CPNE4: variants seen among roughly 807,000 people sequenced by gnomAD.
CPNE4 encodes the protein copine 4.
Under a neutral mutation model 67.9 loss-of-function variants are expected in CPNE4, and 25 were observed. That is an observed-to-expected ratio of 0.37 (90% CI 0.27 to 0.51). The LOEUF is 0.51. Among genes scored for constraint, CPNE4 ranks in the 20% least tolerant of loss-of-function variants. The pLI is 0.93. For synonymous variants in CPNE4, 242 were observed against 244.9 expected (o/e 0.99, Z 0.11); for missense variants, 464 against 690.8 (o/e 0.67, Z 3.68).
intron 1 of CPNE4, among the ~76,000 whole-genome samples, chr3:131,966,520 T>G (rs2085859): frequency 0.35 from 53,551 of 151,666 alleles, 10,373 homozygotes; most frequent in Non-Finnish European, 0.44. Flanking sequence ...ATAGACACAA[T>G]AAAAAATGAT....
At chr3:131,735,135 G>A (rs1409338084) in intron 2 of CPNE4, among the ~76,000 whole-genome samples, 2 of 152,064 alleles carry the variant, frequency 1.3e-5, no homozygotes, top group Non-Finnish European at 2.9e-5. Flanking sequence ...TGTTAGTAAG[G>A]CCTTTCCCTC....
In CPNE4 at chr3:131,953,238, T is replaced by TAAAAA. The variant is rs369308316; in HGVS notation, c.-1-47795_-1-47794insTTTTT. 7.9e-4 allele frequency among the ~76,000 whole-genome samples: 60 copies of TAAAAA among 75,636 alleles called. 5 individuals carry two copies. The highest frequency in any genetic ancestry group is 9.9e-4 in the Non-Finnish European group (35 of 35,282). The allele number at this position is 75,636 out of a possible 152,430, so 49.6% of individuals were successfully genotyped here. ...GTGAGAAACACCCAAGAATGATCAA[T>TAAAAA]TAAAAAAAAAAAAAAAAAAAAAAAA... On this transcript the variant is annotated intron_variant, in intron 1 of 15. Transcript: ENST00000429747.
At chr3:131,821,458 G>A (rs1264715960) in intron 2 of CPNE4, among the ~76,000 whole-genome samples, 1 of 152,204 alleles carries the variant, frequency 6.6e-6, no homozygotes, top group Non-Finnish European at 1.5e-5. Flanking sequence ...TAGCTGCTGC[G>A]ATGTGTGACT....
At chr3:131,967,072 C>G (rs1019736925) in intron 1 of CPNE4, among the ~76,000 whole-genome samples, 6 of 152,300 alleles carry the variant, frequency 3.9e-5, no homozygotes, top group Non-Finnish European at 7.4e-5. Flanking sequence ...GTTCAACATA[C>G]ACAAATCAAT....
At chr3:131,830,696 T>G (rs1022245529) in intron 2 of CPNE4, among the ~76,000 whole-genome samples, 50 of 152,152 alleles carry the variant, frequency 3.3e-4, no homozygotes, top group African/African-American at 1.2e-3. Flanking sequence ...TTTTTACTAC[T>G]TATTATTATA....
chr3:131,731,369 T>A (rs1001457832), intron 2 of CPNE4, among the ~76,000 whole-genome samples: 5 of 152,162 alleles, frequency 3.3e-5, no homozygotes, highest in African/African-American at 4.8e-5. Context: ...AGGTCTCAAG[T>A]GCTAATATGT....
chr3:131,870,339 A>G (rs1468915847), intron 2 of CPNE4, among the ~76,000 whole-genome samples: 2 of 152,206 alleles, frequency 1.3e-5, no homozygotes, highest in East Asian at 3.8e-4. Context: ...TATGGTTCCT[A>G]CCCTCAAGGA....
At chr3:131,779,923 T>C (rs112865789) in intron 2 of CPNE4, among the ~76,000 whole-genome samples, 3 of 152,060 alleles carry the variant, frequency 2.0e-5, no homozygotes, top group African/African-American at 7.2e-5. Context: ...GGAGAAAATA[T>C]TTGCAAACTA....
intron 2 of CPNE4, among the ~76,000 whole-genome samples, chr3:131,897,685 C>G (rs1017652284): frequency 1.3e-5 from 2 of 152,012 alleles, no homozygotes; most frequent in Admixed American, 6.6e-5. Context: ...TGCTCAAGGC[C>G]AGGAGTTTGA....
chr3:131,541,324 C>T (rs553211805), intron 15 of CPNE4, among the ~76,000 whole-genome samples: 1 of 152,254 alleles, frequency 6.6e-6, no homozygotes, highest in African/African-American at 2.4e-5. Context: ...TTAAAAAATG[C>T]TCCTTCCTCC....
At chr3:131,626,111 C>T (rs1387808228) in intron 7 of CPNE4, among the ~76,000 whole-genome samples, 1 of 152,176 alleles carries the variant, frequency 6.6e-6, no homozygotes, top group Non-Finnish European at 1.5e-5. Flanking sequence ...ATCTCTCTCC[C>T]TCTCCTTGGG....
intron 13 of CPNE4, 37 bp downstream of exon 13, chr3:131,552,403 G>C: frequency 6.3e-7 from 1 of 1,575,780 alleles, no homozygotes; most frequent in Non-Finnish European, 8.7e-7. Flanking sequence ...CAAAGGGAAG[G>C]ACTGTGACAC....
At chr3:131,686,319 G>A (rs1480971462) in intron 5 of CPNE4, among the ~76,000 whole-genome samples, 1 of 152,164 alleles carries the variant, frequency 6.6e-6, no homozygotes, top group African/African-American at 2.4e-5. Context: ...TGTATCTGTT[G>A]TCTTAAACAG....
intron 1 of CPNE4, among the ~76,000 whole-genome samples, chr3:131,977,186 T>C (rs1404818781): frequency 6.6e-6 from 1 of 152,140 alleles, no homozygotes; most frequent in Non-Finnish European, 1.5e-5. Flanking sequence ...AATCAAATAT[T>C]AACTAATTCT....
rs576434964 is a variant in CPNE4 at position 131,671,750 on chromosome 3, A to G, written c.592-1986T>C. ...GGAGGTTCTGGAAGAAAAGTACAGC[A>G]ATAGTCATCCTTTCAATTTTTTATT... On this transcript the variant is annotated intron_variant, in intron 6 of 15. Transcript: ENST00000429747. Among the ~76,000 whole-genome samples, 39 of 152,282 alleles carry G rather than the reference A, an allele frequency of 2.6e-4. 1 individual carries two copies. The South Asian group carries it at 5.4e-3, about 21-fold the overall frequency.
chr3:131,675,940 G>GT (rs1414527362), intron 6 of CPNE4, among the ~76,000 whole-genome samples: 1 of 142,380 alleles, frequency 7.0e-6, no homozygotes, highest in African/African-American at 2.7e-5. Flanking sequence ...TCTGGTTTAT[G>GT]TTTTTTTAAA....
At chr3:132,007,278 T>A (rs2073634574) in intron 1 of CPNE4, among the ~76,000 whole-genome samples, 1 of 152,108 alleles carries the variant, frequency 6.6e-6, no homozygotes, top group African/African-American at 2.4e-5. Flanking sequence ...ACCTAAGCAT[T>A]TAGTTCAAAG....
chr3:131,870,279 T>C (rs995546684), intron 2 of CPNE4, among the ~76,000 whole-genome samples: 2 of 152,192 alleles, frequency 1.3e-5, no homozygotes, highest in African/African-American at 4.8e-5. Flanking sequence ...CAGCATCTAA[T>C]TTTTGCCACA....
intron 2 of CPNE4, among the ~76,000 whole-genome samples, chr3:131,862,854 C>T (rs186933685): frequency 2.6e-4 from 39 of 151,998 alleles, no homozygotes; most frequent in East Asian, 1.9e-4. Context: ...GCTATCCCTC[C>T]CCCATCCCCC....
Sources: gnomAD v4.1 joint callset for allele counts (sites outside exome capture counted in the v4.1 genomes callset) on GRCh38, gnomAD v4.1.1 for gene constraint, MANE v1.5 for transcripts, NCBI Gene and HGNC (gene_info 2026-07-23, HGNC 2026-07-21) for gene names.